Variants in PACRGL observed in about 807,000 individuals in gnomAD.
The protein encoded by PACRGL is parkin coregulated like.
A neutral mutation model predicts 34.5 loss-of-function variants in PACRGL; 38 were observed. The observed-to-expected ratio is 1.10, with a 90% CI of 0.85 to 1.44. PACRGL has a LOEUF of 1.44. Among genes scored for constraint, PACRGL ranks in the 40% most tolerant of loss-of-function variants. PACRGL has a pLI of 0.00. For missense variants in PACRGL, 305 were observed against 281.4 expected (o/e 1.08, Z -0.60); for synonymous variants, 128 against 100.1 (o/e 1.28, Z -1.66).
the PACRGL span, among the ~76,000 whole-genome samples, chr4:20,766,603 A>G: frequency 2.1e-3 from 324 of 152,296 alleles, 7 homozygotes; most frequent in South Asian, 0.044. Context: ...AAGCAACTTT[A>G]GAGACAATTC....
At position 20,730,165 on chromosome 4, in the gene PACRGL, A is replaced by ATATC; in HGVS notation, c.*2826_*2829dup. ...GAAACACAGAGCGATTAAATTCAGCATATCTGCAAGGAAAAGTACACTATT... is the reference window on the plus strand; with the variant it reads ...GAAACACAGAGCGATTAAATTCAGCATATCTATCTGCAAGGAAAAGTACACTATT... On this transcript the variant is annotated 3_prime_UTR_variant, in exon 9 of 9. Coordinates refer to ENST00000503585, the MANE Select transcript of PACRGL (RefSeq NM_001258345.3). 1.9e-6 allele frequency: 3 copies of ATATC among 1,585,864 alleles called. No individual in the cohort carries two copies. The highest frequency in any genetic ancestry group is 1.8e-5 in the Admixed American group (1 of 54,972).
chr4:20,729,259 C>A lies in PACRGL; in HGVS notation c.*1918C>A, dbSNP rs959677059. On this transcript the variant is annotated 3_prime_UTR_variant, in exon 9 of 9. Coordinates refer to ENST00000503585, the MANE Select transcript of PACRGL (RefSeq NM_001258345.3). ...GGAGGATAGATATCCTGACCCTTTGCATATGTCTGTAAACATCCTTGTTTT... is the reference window on the plus strand; with the variant it reads ...GGAGGATAGATATCCTGACCCTTTGAATATGTCTGTAAACATCCTTGTTTT... 1 of 151,830 alleles carries A rather than the reference C, an allele frequency of 6.6e-6. No homozygotes were observed. Among genetic ancestry groups the A allele is most frequent in the Non-Finnish European group, 1.5e-5 (1 of 67,934 alleles). 9.4% of individuals were successfully genotyped at this position (151,830 alleles called of 1,614,324 possible).
Position 20,727,355 on chromosome 4 carries a change from C to T in PACRGL, c.*14C>T, listed in dbSNP as rs758200971. The T allele has an allele frequency of 2.5e-6, 4 of 1,605,766 alleles. No individual in the cohort carries two copies. The Admixed American group carries it at 5.0e-5, about 20-fold the overall frequency. On this transcript the variant is annotated 3_prime_UTR_variant, in exon 9 of 9. Transcript: ENST00000503585. ...ATATGCTGTTGAAGAAGGGAGCCAACAAAAATTGTTTTTTCTACCTGTTGA... is the reference window on the plus strand; with the variant it reads ...ATATGCTGTTGAAGAAGGGAGCCAATAAAAATTGTTTTTTCTACCTGTTGA...
At chr4:20,713,700 T>C (rs1398536797) in intron 7 of PACRGL, among the ~76,000 whole-genome samples, 161 bp downstream of exon 7, 1 of 152,210 alleles carries the variant, frequency 6.6e-6, no homozygotes, top group Non-Finnish European at 1.5e-5. Flanking sequence ...TGTTGTGTCT[T>C]TGTTCTCGTT....
intron 8 of PACRGL, among the ~76,000 whole-genome samples, chr4:20,748,028 C>T (rs1578503543): frequency 6.6e-6 from 1 of 152,102 alleles, no homozygotes; most frequent in African/African-American, 2.4e-5. Flanking sequence ...GGAGTTCAGG[C>T]TTTTATCAGA....
rs781306676 is a variant in PACRGL at position 20,719,332 on chromosome 4, A to C, written c.610-5476A>C. On this transcript the variant is annotated intron_variant, in intron 7 of 8. Coordinates refer to ENST00000503585, the MANE Select transcript of PACRGL (RefSeq NM_001258345.3). ...GTGTTTTGTGTCTCTATCTCCTTCA[A>C]TTCTGCTCTGATCTTAGTTATTTCT... Among the ~76,000 whole-genome samples, 7 of 152,006 alleles carry C rather than the reference A, an allele frequency of 4.6e-5. No homozygotes were observed. In the East Asian group the frequency reaches 1.4e-3, roughly 29 times the overall value.
intron 7 of PACRGL, among the ~76,000 whole-genome samples, chr4:20,718,522 T>G (rs1741294539): frequency 6.6e-6 from 1 of 152,206 alleles, no homozygotes; most frequent in African/African-American, 2.4e-5. Context: ...CCTAATCTAT[T>G]GAGAGTTTTT....
At chr4:20,716,380 G>C in intron 7 of PACRGL, 1 of 578,108 alleles carries the variant, frequency 1.7e-6, no homozygotes, top group Non-Finnish European at 3.0e-6. Flanking sequence ...TTAAGTTCTA[G>C]GGTACATGTG....
intron 5 of PACRGL, among the ~76,000 whole-genome samples, chr4:20,710,861 G>C (rs1187357690): frequency 6.6e-6 from 1 of 151,936 alleles, no homozygotes; most frequent in Non-Finnish European, 1.5e-5. Context: ...ATTTTTATAG[G>C]TAGCCTATTT....
chr4:20,747,422 T>G (rs1331761290), intron 8 of PACRGL, among the ~76,000 whole-genome samples: 1 of 152,174 alleles, frequency 6.6e-6, no homozygotes, highest in African/African-American at 2.4e-5. Flanking sequence ...AACTTGTTTC[T>G]AAAGTGAAGC....
rs142338366 is a variant in PACRGL at position 20,720,393 on chromosome 4, G to C, written c.610-4415G>C. 6.3e-3 allele frequency among the ~76,000 whole-genome samples: 963 copies of C among 152,256 alleles called. 8 individuals carry two copies. Among genetic ancestry groups the C allele is most frequent in the African/African-American group, 0.022 (918 of 41,542 alleles). ...CATTATGATGTTAGCTGATTATTTT[G>C]CTCATTAGTTGATGCAGTTTCTTCC... On this transcript the variant is annotated intron_variant, in intron 7 of 8. Coordinates refer to ENST00000503585, the MANE Select transcript of PACRGL (RefSeq NM_001258345.3).
chr4:20,745,407 A>T (rs560306111), intron 8 of PACRGL, among the ~76,000 whole-genome samples: 2 of 152,292 alleles, frequency 1.3e-5, no homozygotes, highest in South Asian at 2.1e-4. Flanking sequence ...GAGTTACTCA[A>T]AACAGGAATG....
rs1738355370 is a variant in PACRGL at position 20,713,588 on chromosome 4, C to A, written c.609+49C>A. 3 of 1,397,468 alleles carry A rather than the reference C, an allele frequency of 2.1e-6. No individual in the cohort carries two copies. The South Asian group carries it at 3.5e-5, about 16-fold the overall frequency. The allele number at this position is 1,397,468 out of a possible 1,614,324, so 86.6% of individuals were successfully genotyped here. Reference sequence around the variant, plus strand: ...ATGATTGACTGTATGTATCATGCACCATCCATATCTCTTCATGATTTAACA... The same window carrying A: ...ATGATTGACTGTATGTATCATGCACAATCCATATCTCTTCATGATTTAACA... On this transcript the variant is annotated intron_variant, in intron 7 of 8. Coordinates refer to ENST00000503585, the MANE Select transcript of PACRGL (RefSeq NM_001258345.3).
At chr4:20,749,555 G>A in intron 8 of PACRGL, 1 of 686,116 alleles carries the variant, frequency 1.5e-6, no homozygotes, top group Non-Finnish European at 2.4e-6. Flanking sequence ...AGTGTCCTTG[G>A]GCTTTCTTTC....
intron 8 of PACRGL, chr4:20,749,547 T>G (rs1243757533): frequency 1.2e-5 from 7 of 601,478 alleles, no homozygotes; most frequent in Non-Finnish European, 2.0e-5. Context: ...AGAAAGGGAG[T>G]GTCCTTGGGC....
chr4:20,703,358 C>G (rs1733051189), intron 1 of PACRGL, among the ~76,000 whole-genome samples: 1 of 151,924 alleles, frequency 6.6e-6, no homozygotes, highest in Non-Finnish European at 1.5e-5. Flanking sequence ...GAAATAAGGA[C>G]ACAGGATAGA....
At chr4:20,760,440 ACTTT>A in the PACRGL span, among the ~76,000 whole-genome samples, 4 of 152,102 alleles carry the variant, frequency 2.6e-5, no homozygotes, top group Non-Finnish European at 4.4e-5. Flanking sequence ...TAATAAACTT[ACTTT>A]CTTTATTCCA....
chr4:20,727,142 A>G (rs887248200), intron 8 of PACRGL, 143 bp from the exon 9 acceptor site: 11 of 670,916 alleles, frequency 1.6e-5, no homozygotes, highest in Non-Finnish European at 2.3e-5. Flanking sequence ...AACTCAGCAA[A>G]AAGTCCTTCT....
chr4:20,727,558 G>T lies in PACRGL; in HGVS notation c.*217G>T. ...AAGTTCTATAAGAGTACAATTTTGA[G>T]GTTTATTTTTTGTATTTTTATTATT... On this transcript the variant is annotated 3_prime_UTR_variant, in exon 9 of 9. Transcript: ENST00000503585. 7.3e-6 allele frequency: 3 copies of T among 413,728 alleles called. No individual in the cohort carries two copies. The highest frequency in any genetic ancestry group is 1.3e-5 in the Non-Finnish European group (3 of 231,310). The allele number at this position is 413,728 out of a possible 1,614,324, so 25.6% of individuals were successfully genotyped here. A position where few individuals can be genotyped will look rare whatever the true frequency, so the allele number is the denominator to read the frequency against.
Sources: allele counts gnomAD v4.1 joint callset (sites outside exome capture counted in the v4.1 genomes callset), GRCh38; gene constraint gnomAD v4.1.1; transcripts MANE v1.5; gene names NCBI Gene and HGNC (gene_info 2026-07-23, HGNC 2026-07-21).